The following STARD8 variants were observed in gnomAD, a reference collection of about 807,000 sequenced individuals.
STARD8 encodes stAR-related lipid transfer protein 8.
In STARD8, 25 loss-of-function variants were observed where a neutral mutation model predicts 69.4. The observed-to-expected ratio is 0.36, with a 90% CI of 0.26 to 0.50. The LOEUF is 0.50. STARD8 is among the 20% of genes least tolerant of loss of function. STARD8 has a pLI of 0.96. For synonymous variants in STARD8, 389 were observed against 374.6 expected, an observed-to-expected ratio of 1.04 and a Z score of -0.45; for missense variants, 921 against 932.5, an observed-to-expected ratio of 0.99 and a Z score of 0.16.
intron 1 of STARD8, among the ~76,000 whole-genome samples, chrX:68,649,026 T>G (rs776203850): frequency 2.2e-4 from 25 of 112,070 alleles, no homozygotes; most frequent in African/African-American, 7.8e-4. Flanking sequence ...GTCCATGCCT[T>G]TCTTGACGCT....
At chrX:68,650,554 C>G (rs192456930) in intron 1 of STARD8, among the ~76,000 whole-genome samples, 5 of 107,052 alleles carry the variant, frequency 4.7e-5, no homozygotes, top group African/African-American at 1.7e-4. Flanking sequence ...GTAATCCCAG[C>G]ACTTTGGGAT....
chrX:68,660,806 G>A (rs1569353245), intron 1 of STARD8, among the ~76,000 whole-genome samples: 1 of 112,734 alleles, frequency 8.9e-6, no homozygotes, highest in Non-Finnish European at 1.9e-5. Flanking sequence ...CCAAGACAGA[G>A]GAGTCAGCTC....
Position 68,725,640 on chromosome X carries a change from A to ATATATATGTATATATATG in STARD8, c.*1225_*1226insGTATATATATGTATATAT, listed in dbSNP as rs2080194963. ...GATACACACACATATATATGTGTGT[A>ATATATATGTATATATATG]TATATATACACATACATATATATAC... is the stretch of plus-strand genomic sequence containing the variant. On this transcript the variant is annotated 3_prime_UTR_variant, in exon 15 of 15. Coordinates refer to ENST00000374599, the MANE Select transcript of STARD8 (RefSeq NM_001142503.3). 9.5e-6 allele frequency: 1 copy of ATATATATGTATATATATG among 105,517 alleles called. No homozygotes were observed. The highest frequency in any genetic ancestry group is 1.9e-5 in the Non-Finnish European group (1 of 51,555). 8.7% of individuals were successfully genotyped at this position (105,517 alleles called of 1,213,427 possible).
chrX:68,712,910 T>A lies in STARD8; in HGVS notation c.80-4T>A. 8.3e-7 allele frequency: 1 copy of A among 1,203,414 alleles called. No homozygotes were observed. The highest frequency in any genetic ancestry group is 1.7e-5 in the African/African-American group (1 of 57,704). On this transcript the variant is annotated splice_region_variant and splice_polypyrimidine_tract_variant and intron_variant, in intron 2 of 14. Transcript: ENST00000374599. ...GCCTGTTTCTTTCCCTTGTTCTGTTTTAGAAGCCGAGGCCAAAAGAGCATG... is the reference window on the plus strand; with the variant it reads ...GCCTGTTTCTTTCCCTTGTTCTGTTATAGAAGCCGAGGCCAAAAGAGCATG...
intron 4 of STARD8, among the ~76,000 whole-genome samples, chrX:68,716,034 C>T (rs776124996): frequency 1.2e-4 from 13 of 111,587 alleles, no homozygotes; most frequent in Non-Finnish European, 2.4e-4. Context: ...CTTCAAAATC[C>T]CATTTGCATC....
intron 2 of STARD8, chrX:68,693,830 G>A (rs1163964792): frequency 3.3e-5 from 25 of 755,066 alleles, no homozygotes; most frequent in Non-Finnish European, 3.8e-5. Context: ...CCTCCAGGTA[G>A]GAGTCTGGGC....
At chrX:68,664,531 C>G (rs1305386011) in intron 1 of STARD8, among the ~76,000 whole-genome samples, 1 of 112,028 alleles carries the variant, frequency 8.9e-6, no homozygotes, top group Non-Finnish European at 1.9e-5. Context: ...CACCATCCGC[C>G]TGAAATGCTC....
chrX:68,681,519 C>T (rs1051266464), intron 2 of STARD8, among the ~76,000 whole-genome samples: 8 of 112,706 alleles, frequency 7.1e-5, no homozygotes, highest in African/African-American at 1.3e-4. Flanking sequence ...TGGCCAGCAA[C>T]GGAAGGACAG....
rs201457091 is a variant in STARD8, at chrX:68,720,357, G to A, written c.1983G>A (p.Thr661=). 134 of 1,203,439 alleles carry A rather than the reference G, an allele frequency of 1.1e-4. No homozygotes were observed. In the South Asian group the frequency reaches 1.3e-3, roughly 11 times the overall value. Residue 661 remains threonine, a synonymous_variant, in exon 8 of 15, where the codon ACG becomes ACA. Transcript: ENST00000374599. ...CACCCCTCATCCACGTGCAGCGCAC[G>A]GGCCAGCCACTGCCACAGAGCATTC... The part of the protein sequence containing the change: ...GVPPLIHVQR[T]GQPLPQSIQQ...
At position 68,725,555 on chromosome X, in the gene STARD8, A is replaced by AATATATATAT. The variant is rs771897636; in HGVS notation, c.*1148_*1157dup. 2.4e-3 allele frequency: 226 copies of AATATATATAT among 93,391 alleles called. 1 individual carries two copies. The highest frequency in any genetic ancestry group is 8.8e-3 in the African/African-American group (210 of 23,865). 7.7% of individuals were successfully genotyped at this position (93,391 alleles called of 1,213,427 possible). On this transcript the variant is annotated 3_prime_UTR_variant, in exon 15 of 15. Coordinates refer to ENST00000374599, the MANE Select transcript of STARD8 (RefSeq NM_001142503.3). ...TTGTACCTGTAAATACTGTACAGCT[A>AATATATATAT]ATATATATATATATATATATATATG... is the stretch of plus-strand genomic sequence containing the variant.
chrX:68,709,100 G>A (rs1374539665), intron 2 of STARD8, among the ~76,000 whole-genome samples: 1 of 112,230 alleles, frequency 8.9e-6, no homozygotes, highest in East Asian at 2.8e-4. Flanking sequence ...GGGCCTCCCA[G>A]CCCTCCATGA....
chrX:68,700,263 G>T (rs986167003), intron 2 of STARD8, among the ~76,000 whole-genome samples: 1 of 112,167 alleles, frequency 8.9e-6, no homozygotes, highest in South Asian at 3.7e-4. Flanking sequence ...TGATTCCATT[G>T]TGTTCTTAGA....
Position 68,721,633 on chromosome X carries a change from A to C in STARD8, c.2346A>C (p.Leu782Phe). ...REVLQTLLYFLSDIASAEENQ... is the reference protein window; with the variant it reads ...REVLQTLLYFFSDIASAEENQ... ...TGCTACAGACCCTGCTCTACTTCTT[A>C]AGTGACATTGCCTCTGCCGAGGAAA... Residue 782 changes from leucine to phenylalanine, a missense_variant, in exon 10 of 15, where the codon TTA becomes TTC. Physicochemically the swap from Leu to Phe is conservative, Grantham distance 22. Coordinates refer to ENST00000374599, the MANE Select transcript of STARD8 (RefSeq NM_001142503.3). 8.3e-7 allele frequency: 1 copy of C among 1,211,966 alleles called. No homozygotes were observed. Among genetic ancestry groups the C allele is most frequent in the Admixed American group, 2.2e-5 (1 of 46,094 alleles).
chrX:68,669,586 C>T (rs368726799), intron 2 of STARD8, among the ~76,000 whole-genome samples: 2 of 111,873 alleles, frequency 1.8e-5, no homozygotes, highest in African/African-American at 3.3e-5. Context: ...TGCCTGGAGC[C>T]ATTCGGGGCT....
In STARD8 at chrX:68,724,465, G is replaced by A. The variant is rs2080182478; in HGVS notation, c.*43G>A. ...GGGTGGCACCACCCAGGCCCCCTGG[G>A]CACCAAGGGAGCGAGGGGGAATAAG... On this transcript the variant is annotated 3_prime_UTR_variant, in exon 15 of 15. Coordinates refer to ENST00000374599, the MANE Select transcript of STARD8 (RefSeq NM_001142503.3). 9.0e-7 allele frequency: 1 copy of A among 1,105,346 alleles called. No individual in the cohort carries two copies. Among genetic ancestry groups the A allele is most frequent in the East Asian group, 3.1e-5 (1 of 32,129 alleles). 91.1% of individuals were successfully genotyped at this position (1,105,346 alleles called of 1,213,427 possible).
chrX:68,678,641 G>A (rs1225454216), intron 2 of STARD8, among the ~76,000 whole-genome samples: 1 of 111,703 alleles, frequency 9.0e-6, no homozygotes, highest in African/African-American at 3.3e-5. Flanking sequence ...AGTAGAGTTG[G>A]CACACCAACA....
intron 2 of STARD8, among the ~76,000 whole-genome samples, chrX:68,669,018 C>T (rs986572452): frequency 9.0e-6 from 1 of 111,370 alleles, no homozygotes; most frequent in South Asian, 3.8e-4. Flanking sequence ...ACAGAGCTAG[C>T]GGTAGTAAAA....
At chrX:68,722,335 C>T in intron 11 of STARD8, 87 bp from the exon 12 acceptor site, 1 of 925,270 alleles carries the variant, frequency 1.1e-6, no homozygotes, top group Non-Finnish European at 1.5e-6. Flanking sequence ...AGCTGCACCT[C>T]TCCACTGCCC....
intron 1 of STARD8, among the ~76,000 whole-genome samples, chrX:68,661,958 CTCTCTCTCTCTCTCTTTCTTTCTTTCTT>C (rs1569353701): frequency 4.0e-5 from 3 of 75,664 alleles, no homozygotes; most frequent in African/African-American, 2.5e-4. Flanking sequence ...CTCTCTCTCT[CTCTCTCTCTCTCTCTTTCTTTCTTTCTT>C]TCTTTCTTTC....
Sources: gnomAD v4.1 joint callset for allele counts (sites outside exome capture counted in the v4.1 genomes callset) on GRCh38, gnomAD v4.1.1 for gene constraint, MANE v1.5 for transcripts, NCBI Gene and HGNC (gene_info 2026-07-23, HGNC 2026-07-21) for gene names.